The following GK variants were observed in gnomAD, a reference collection of about 807,000 sequenced individuals.
The protein encoded by GK is ATP:glycerol 3-phosphotransferase.
Under a neutral mutation model 56.4 loss-of-function variants are expected in GK, and 9 were observed. The observed-to-expected ratio is 0.16, with a 90% CI of 0.10 to 0.28. GK has a LOEUF of 0.28. Ranked by LOEUF, GK falls within the 10% of genes least tolerant of loss-of-function variation. The pLI is 1.00. For synonymous variants in GK, 104 were observed against 144.1 expected, an observed-to-expected ratio of 0.72 and a Z score of 1.99; for missense variants, 161 against 431.4, an observed-to-expected ratio of 0.37 and a Z score of 5.55.
chrX:30,668,942 G>A lies in GK; in HGVS notation c.259+824G>A, dbSNP rs757775473. Among the ~76,000 whole-genome samples, 13 of 110,875 alleles carry A rather than the reference G, an allele frequency of 1.2e-4. No homozygotes were observed. In the South Asian group the frequency reaches 3.8e-3, roughly 32 times the overall value. ...GCCAGAATTTGCTGATAGACTGGAT[G>A]TTGGGGTAACAGAGAGAGTAGTGGG... On this transcript the variant is annotated intron_variant, in intron 3 of 20. Coordinates refer to ENST00000427190, the MANE Select transcript of GK (RefSeq NM_001205019.2).
intron 4 of GK, among the ~76,000 whole-genome samples, chrX:30,680,046 T>A (rs188503321): frequency 9.0e-6 from 1 of 111,711 alleles, no homozygotes; most frequent in Non-Finnish European, 1.9e-5. Flanking sequence ...GTATATTGGA[T>A]TGCGTTAGGA....
chrX:30,653,641 G>C (rs779729477), intron 1 of GK, 26 bp downstream of exon 1: 15 of 1,159,500 alleles, frequency 1.3e-5, no homozygotes, highest in Non-Finnish European at 1.8e-5. Flanking sequence ...CATGTGAAGA[G>C]GCGCTGAGCC....
At chrX:30,683,555 T>C (rs1934414317) in intron 4 of GK, among the ~76,000 whole-genome samples, 1 of 111,495 alleles carries the variant, frequency 9.0e-6, no homozygotes, top group Non-Finnish European at 1.9e-5. Flanking sequence ...ATAGGCTTGA[T>C]GAAGGTAAAG....
At chrX:30,672,851 C>T (rs1320458478) in intron 3 of GK, among the ~76,000 whole-genome samples, 7 of 111,651 alleles carry the variant, frequency 6.3e-5, no homozygotes, top group Admixed American at 9.5e-5. Context: ...TATCTCTCTT[C>T]CCACATGGTA....
intron 5 of GK, among the ~76,000 whole-genome samples, chrX:30,693,077 C>T (rs1282219972): frequency 1.1e-5 from 1 of 89,194 alleles, no homozygotes; most frequent in African/African-American, 4.4e-5. Flanking sequence ...AGTGCAGTGG[C>T]GTCATCTTGG....
At chrX:30,726,974 G>A (rs1429396205) in intron 19 of GK, among the ~76,000 whole-genome samples, 2 of 111,734 alleles carry the variant, frequency 1.8e-5, no homozygotes, top group South Asian at 3.7e-4. Context: ...ATTTTGTTAC[G>A]CACCAAATTC....
At chrX:30,721,810 GCTAA>G (rs1351937805) in intron 18 of GK, 1 of 112,573 alleles carries the variant, frequency 8.9e-6, no homozygotes, top group Non-Finnish European at 1.9e-5. Flanking sequence ...GATTCACTGT[GCTAA>G]CTAAGCTAAG....
rs778241411 is a variant in GK at position 30,708,241 on chromosome X, A to T, written c.975+107A>T. ...GGTAAATCTTAATACAGAGGACTCA[A>T]AAAGTTCTGCTTTCTTGGCATTTGA... On this transcript the variant is annotated intron_variant, in intron 13 of 20. Transcript: ENST00000427190. The T allele has an allele frequency of 1.3e-4, 63 of 475,892 alleles. No homozygotes were observed. In the African/African-American group the frequency reaches 1.5e-3, roughly 11 times the overall value. 39.2% of individuals were successfully genotyped at this position (475,892 alleles called of 1,213,427 possible). A position where few individuals can be genotyped will look rare whatever the true frequency, so the allele number is the denominator to read the frequency against.
chrX:30,672,094 G>A (rs111344456), intron 3 of GK: 5,166 of 86,253 alleles, frequency 0.06, 166 homozygotes, highest in Middle Eastern at 0.12. Context: ...AGTGAGCCAA[G>A]ATCACGCCGA....
chrX:30,691,213 C>T lies in GK; in HGVS notation c.414+14C>T. ...AACTTTGTCAAGGTAAGAATTTCTT[C>T]AGAAGTATACTATAAGAATGTTTCT... On this transcript the variant is annotated intron_variant, in intron 5 of 20. Coordinates refer to ENST00000427190, the MANE Select transcript of GK (RefSeq NM_001205019.2). 1.1e-6 allele frequency: 1 copy of T among 908,487 alleles called. No individual in the cohort carries two copies. Among genetic ancestry groups the T allele is most frequent in the Non-Finnish European group, 1.6e-6 (1 of 622,943 alleles). 74.9% of individuals were successfully genotyped at this position (908,487 alleles called of 1,213,427 possible).
At chrX:30,658,617 A>C (rs1040362113) in intron 1 of GK, among the ~76,000 whole-genome samples, 1 of 112,460 alleles carries the variant, frequency 8.9e-6, no homozygotes, top group Non-Finnish European at 1.9e-5. Flanking sequence ...CGCCCGGCCA[A>C]GTTGTGGTTC....
intron 19 of GK, chrX:30,724,575 A>G (rs767562565): frequency 4.4e-5 from 13 of 295,182 alleles, no homozygotes; most frequent in South Asian, 3.9e-4. Flanking sequence ...TGAAAGCTGT[A>G]TTAATTTCAG....
At position 30,653,596 on chromosome X, in the gene GK, C is replaced by T; in HGVS notation, c.59C>T (p.Thr20Ile). 1 of 1,210,253 alleles carries T rather than the reference C, an allele frequency of 8.3e-7. No individual in the cohort carries two copies. Among genetic ancestry groups the T allele is most frequent in the Non-Finnish European group, 1.1e-6 (1 of 893,893 alleles). ...GPLVGAVDQG[T>I]SSTRFLVFNS... Reference sequence around the variant, plus strand: ...TTGGTGGGGGCGGTGGACCAGGGCACCAGTTCGACGCGCTTTTTGGTGAGC... The same window carrying T: ...TTGGTGGGGGCGGTGGACCAGGGCATCAGTTCGACGCGCTTTTTGGTGAGC... The change falls in exon 1 of 21, where the codon ACC becomes ATC. Residue 20 changes from threonine to isoleucine, a missense_variant. Transcript: ENST00000427190.
intron 1 of GK, among the ~76,000 whole-genome samples, chrX:30,661,285 C>T (rs1932749866): frequency 9.0e-6 from 1 of 111,710 alleles, no homozygotes; most frequent in African/African-American, 3.3e-5. Flanking sequence ...GTCTGGTAAA[C>T]ACTGCCTACT....
At chrX:30,712,139 A>C (rs1410498469) in intron 13 of GK, among the ~76,000 whole-genome samples, 1 of 112,131 alleles carries the variant, frequency 8.9e-6, no homozygotes, top group East Asian at 2.8e-4. Context: ...AGTATTATAC[A>C]TAGCTGTTTT....
At chrX:30,664,702 CTTTTTT>C (rs35313243) in intron 1 of GK, among the ~76,000 whole-genome samples, 2 of 57,675 alleles carry the variant, frequency 3.5e-5, no homozygotes, top group African/African-American at 6.8e-5. Flanking sequence ...ACTCTATTGC[CTTTTTT>C]TTTTTTTTTT....
intron 6 of GK, among the ~76,000 whole-genome samples, chrX:30,695,613 A>G (rs1935196604): frequency 8.9e-6 from 1 of 112,825 alleles, no homozygotes; most frequent in African/African-American, 3.2e-5. Context: ...TGTTATTTAA[A>G]CAACAACAGC....
intron 20 of GK, 85 bp from the exon 21 acceptor site, chrX:30,728,646 TA>T: frequency 1.5e-6 from 1 of 645,644 alleles, no homozygotes; most frequent in South Asian, 2.3e-5. Context: ...TCTAGCTTAA[TA>T]AATGATTGAA....
chrX:30,714,564 A>G (rs934767603), intron 13 of GK, among the ~76,000 whole-genome samples: 3 of 111,786 alleles, frequency 2.7e-5, no homozygotes, highest in African/African-American at 9.8e-5. Flanking sequence ...CTGCTTCCTT[A>G]AAGTCAGGAA....
Sources: allele counts gnomAD v4.1 joint callset (sites outside exome capture counted in the v4.1 genomes callset), GRCh38; gene constraint gnomAD v4.1.1; transcripts MANE v1.5; gene names NCBI Gene and HGNC (gene_info 2026-07-23, HGNC 2026-07-21).